PHTF2: variants seen among roughly 807,000 people sequenced by gnomAD.
PHTF2 encodes the protein protein PHTF2.
Under a neutral mutation model 101.2 loss-of-function variants are expected in PHTF2, and 60 were observed. The ratio of observed to expected loss-of-function variants is 0.59; its 90% CI spans 0.48 to 0.73. The LOEUF (loss-of-function observed/expected upper bound fraction) is 0.73. PHTF2 is among the 30% of genes least tolerant of loss of function. PHTF2 has a pLI of 0.00. For missense variants in PHTF2, 747 were observed against 908.7 expected, an observed-to-expected ratio of 0.82 and a Z score of 2.29; for synonymous variants, 311 against 307.3, an observed-to-expected ratio of 1.01 and a Z score of -0.13.
intron 3 of PHTF2, among the ~76,000 whole-genome samples, chr7:77,878,070 G>A (rs544444253): frequency 1.5e-4 from 23 of 152,086 alleles, no homozygotes; most frequent in African/African-American, 5.6e-4. Context: ...CTTGCCTACT[G>A]CCCGGAAAAA....
At chr7:77,954,877 G>A (rs1320678267) in exon 20 of PHTF2, 5 of 1,501,578 alleles carry the variant, frequency 3.3e-6, no homozygotes, top group Non-Finnish European at 4.6e-6. Context: ...ATTAAGTCAT[G>A]ACAATTCAAA....
chr7:77,934,951 C>CAA (rs796126878), intron 12 of PHTF2, among the ~76,000 whole-genome samples: 176 of 129,334 alleles, frequency 1.4e-3, no homozygotes, highest in African/African-American at 4.7e-3. Context: ...AACACAGTCT[C>CAA]AAAAAAAAAA....
At chr7:77,829,785 G>T (rs917104585) in intron 1 of PHTF2, among the ~76,000 whole-genome samples, 2 of 152,162 alleles carry the variant, frequency 1.3e-5, no homozygotes, top group Admixed American at 1.3e-4. Flanking sequence ...TGTTAGACTA[G>T]ACTTTAACTT....
intron 3 of PHTF2, among the ~76,000 whole-genome samples, chr7:77,886,859 A>G (rs567227056): frequency 6.6e-6 from 1 of 152,116 alleles, no homozygotes; most frequent in South Asian, 2.1e-4. Flanking sequence ...CATAGGGAGC[A>G]ACATAAGGAG....
Position 77,804,724 on chromosome 7 carries a change from T to G in PHTF2, c.-36+5753T>G, listed in dbSNP as rs1584340061. On this transcript the variant is annotated intron_variant, in intron 1 of 19. Transcript: ENST00000416283. ...ATTGCCATTCAATCACTTCATCTGG[T>G]CCTCTATCTACTAATATCTATCTTT... is the stretch of plus-strand genomic sequence containing the variant. Among the ~76,000 whole-genome samples, 3 of 152,308 alleles carry G rather than the reference T, an allele frequency of 2.0e-5. No homozygotes were observed. In the East Asian group the frequency reaches 5.8e-4, roughly 29 times the overall value.
chr7:77,827,137 A>T (rs546767355), intron 1 of PHTF2, among the ~76,000 whole-genome samples: 8 of 152,176 alleles, frequency 5.3e-5, no homozygotes, highest in Non-Finnish European at 8.8e-5. Context: ...ATGTAGATAA[A>T]AGTTAAAATC....
intron 1 of PHTF2, among the ~76,000 whole-genome samples, chr7:77,834,412 G>T (rs1051501143): frequency 6.6e-6 from 1 of 151,978 alleles, no homozygotes; most frequent in Non-Finnish European, 1.5e-5. Flanking sequence ...CTGTTGATTG[G>T]CTATACATTG....
At chr7:77,948,870 C>A (rs1054314901) in intron 16 of PHTF2, among the ~76,000 whole-genome samples, 2 of 152,178 alleles carry the variant, frequency 1.3e-5, no homozygotes, top group Non-Finnish European at 2.9e-5. Context: ...GACTAACTTA[C>A]AATATCTAAT....
exon 15 of PHTF2, chr7:77,940,545 A>G: frequency 6.3e-7 from 1 of 1,594,526 alleles, no homozygotes; most frequent in African/African-American, 1.4e-5. Context: ...TTTTTGCAAA[A>G]CTCTTTGGAC....
At chr7:77,829,536 A>G (rs1414254955) in intron 1 of PHTF2, among the ~76,000 whole-genome samples, 2 of 152,220 alleles carry the variant, frequency 1.3e-5, no homozygotes, top group African/African-American at 4.8e-5. Flanking sequence ...AATTGTTCTT[A>G]TAAGTTGTAA....
intron 9 of PHTF2, among the ~76,000 whole-genome samples, chr7:77,919,828 T>C (rs1158335192): frequency 1.3e-5 from 2 of 152,194 alleles, no homozygotes; most frequent in Non-Finnish European, 2.9e-5. Flanking sequence ...GCAAAAGACC[T>C]GTGTCTTCAC....
chr7:77,810,454 C>T (rs1248032240), intron 1 of PHTF2, among the ~76,000 whole-genome samples: 1 of 152,196 alleles, frequency 6.6e-6, no homozygotes, highest in Non-Finnish European at 1.5e-5. Flanking sequence ...TTCTTTTACA[C>T]AGAAACACTT....
chr7:77,831,422 G>A (rs1039802009), intron 1 of PHTF2, among the ~76,000 whole-genome samples: 13 of 152,190 alleles, frequency 8.5e-5, no homozygotes, highest in Admixed American at 7.9e-4. Flanking sequence ...AGGAGAGGCT[G>A]CAGTTCAGAA....
chr7:77,875,500 G>A (rs1406059267), intron 3 of PHTF2, among the ~76,000 whole-genome samples: 3 of 150,960 alleles, frequency 2.0e-5, no homozygotes, highest in Non-Finnish European at 4.4e-5. Flanking sequence ...TATCATGGTT[G>A]TTATATTTGT....
At chr7:77,934,089 T>G (rs1433355009) in intron 12 of PHTF2, among the ~76,000 whole-genome samples, 3 of 152,204 alleles carry the variant, frequency 2.0e-5, no homozygotes, top group Non-Finnish European at 4.4e-5. Context: ...GTAATGGAAA[T>G]TAGCTCCCTT....
intron 1 of PHTF2, among the ~76,000 whole-genome samples, chr7:77,834,372 T>A (rs190747592): frequency 2.0e-5 from 3 of 152,038 alleles, no homozygotes; most frequent in Non-Finnish European, 4.4e-5. Context: ...CTGAGTTGTT[T>A]ACTGAGAATT....
chr7:77,806,812 AGTTTT>A (rs1380433785), intron 1 of PHTF2, among the ~76,000 whole-genome samples: 1 of 151,056 alleles, frequency 6.6e-6, no homozygotes, highest in Non-Finnish European at 1.5e-5. Context: ...TTTTTCTTGT[AGTTTT>A]GTTTGTAGTA....
At chr7:77,849,292 T>TTATA (rs748338272) in intron 2 of PHTF2, among the ~76,000 whole-genome samples, 3 of 150,274 alleles carry the variant, frequency 2.0e-5, no homozygotes, top group Admixed American at 6.7e-5. Flanking sequence ...CCTGGCTAAT[T>TTATA]TATATATATA....
chr7:77,831,822 C>T (rs1050574863), intron 1 of PHTF2, among the ~76,000 whole-genome samples: 10 of 152,136 alleles, frequency 6.6e-5, no homozygotes, highest in Non-Finnish European at 1.2e-4. Flanking sequence ...GCTGGCTAGG[C>T]ACAAAATGTC....
Sources: allele counts gnomAD v4.1 joint callset (sites outside exome capture counted in the v4.1 genomes callset), GRCh38; gene constraint gnomAD v4.1.1; transcripts MANE v1.5; gene names NCBI Gene and HGNC (gene_info 2026-07-23, HGNC 2026-07-21).